Variants in NFXL1 observed in about 807,000 individuals in gnomAD.
NFXL1 encodes the protein NF-X1-type zinc finger protein NFXL1.
In NFXL1, 66 loss-of-function variants were observed where a neutral mutation model predicts 123.3. The ratio of observed to expected loss-of-function variants is 0.54; its 90% CI spans 0.44 to 0.66. The LOEUF is 0.66. NFXL1 is among the 30% of genes least tolerant of loss of function. The probability of loss-of-function intolerance (pLI) is 0.00; values close to 1 mark genes in which losing one functional copy is unlikely to be tolerated. For synonymous variants in NFXL1, 346 were observed against 360.8 expected, an observed-to-expected ratio of 0.96 and a Z score of 0.46; for missense variants, 944 against 1,125.6, an observed-to-expected ratio of 0.84 and a Z score of 2.31.
At chr4:47,888,934 A>T (rs559902522) in intron 12 of NFXL1, among the ~76,000 whole-genome samples, 1 of 152,334 alleles carries the variant, frequency 6.6e-6, no homozygotes, top group East Asian at 1.9e-4. Context: ...TATGTTAACT[A>T]CATTTAGGTT....
intron 4 of NFXL1, 133 bp from the exon 5 acceptor site, chr4:47,903,456 A>G (rs1424317820): frequency 2.3e-6 from 1 of 440,596 alleles, no homozygotes; most frequent in Non-Finnish European, 3.8e-6. Context: ...CTTTCCTTCC[A>G]GTATAACAGA....
At chr4:47,912,937 C>T (rs1430360717) in intron 2 of NFXL1, among the ~76,000 whole-genome samples, 2 of 148,998 alleles carry the variant, frequency 1.3e-5, no homozygotes, top group African/African-American at 4.9e-5. Flanking sequence ...GGCCTGAACC[C>T]AGGAGGCAGA....
At chr4:47,875,611 A>T (rs572447989) in intron 17 of NFXL1, among the ~76,000 whole-genome samples, 1 of 152,310 alleles carries the variant, frequency 6.6e-6, no homozygotes, top group South Asian at 2.1e-4. Flanking sequence ...TACTTCCTAA[A>T]GAATCGTCAA....
At chr4:47,892,760 A>G (rs1736852507) in intron 11 of NFXL1, among the ~76,000 whole-genome samples, 1 of 152,166 alleles carries the variant, frequency 6.6e-6, no homozygotes, top group Admixed American at 6.5e-5. Flanking sequence ...ATATTTAAAG[A>G]AATACAAATA....
At position 47,885,549 on chromosome 4, in the gene NFXL1, G is replaced by T. The variant is rs752689704; in HGVS notation, c.1773C>A (p.His591Gln). The T allele has an allele frequency of 6.2e-7, 1 of 1,613,722 alleles. No individual in the cohort carries two copies. The highest frequency in any genetic ancestry group is 1.7e-5 in the Admixed American group (1 of 60,004). ...PCQKVLEKCG[H>Q]LCPAPCHDQA... Reference sequence around the variant, plus strand: ...GATCATGACACGGAGCAGGACACAAGTGACCACATTTCTCCAAAACTTTTT... The same window carrying T: ...GATCATGACACGGAGCAGGACACAATTGACCACATTTCTCCAAAACTTTTT... Residue 591 changes from histidine (H) to glutamine (Q), a missense_variant, in exon 14 of 23, where the codon CAC becomes CAA. Physicochemically the swap from His to Gln is conservative, Grantham distance 24 (BLOSUM62 0). This residue lies in a region of NFXL1 where 44 missense variants were observed against 90.4 expected (regional missense o/e 0.49). Coordinates refer to ENST00000507489, the MANE Select transcript of NFXL1 (RefSeq NM_001278624.2).
intron 3 of NFXL1, among the ~76,000 whole-genome samples, chr4:47,909,148 A>C (rs1444162637): frequency 6.6e-6 from 1 of 152,110 alleles, no homozygotes; most frequent in Non-Finnish European, 1.5e-5. Context: ...ACAACTCTAC[A>C]GTATTTAGTA....
intron 22 of NFXL1, 109 bp from the exon 23 acceptor site, chr4:47,848,445 A>G (rs951668621): frequency 1.3e-6 from 1 of 766,958 alleles, no homozygotes; most frequent in East Asian, 2.7e-5. Context: ...AATGATATAT[A>G]GTCAATATAT....
chr4:47,862,379 T>C (rs1487346383), intron 19 of NFXL1, among the ~76,000 whole-genome samples: 2 of 152,324 alleles, frequency 1.3e-5, no homozygotes, highest in East Asian at 3.9e-4. Context: ...AGAGGTATCT[T>C]CTACGTCACC....
chr4:47,898,233 A>G (rs1737205612), intron 8 of NFXL1, 152 bp from the exon 9 acceptor site: 3 of 587,176 alleles, frequency 5.1e-6, no homozygotes, highest in East Asian at 5.7e-5. Context: ...GGTGTCATAC[A>G]TATGTATATA....
chr4:47,862,474 C>T (rs543643331), intron 19 of NFXL1, among the ~76,000 whole-genome samples: 11 of 152,146 alleles, frequency 7.2e-5, no homozygotes, highest in Admixed American at 2.0e-4. Context: ...CATACACACA[C>T]GCACCCCTAT....
intron 3 of NFXL1, among the ~76,000 whole-genome samples, chr4:47,907,005 C>T (rs1238045156): frequency 1.3e-5 from 2 of 152,202 alleles, no homozygotes; most frequent in Non-Finnish European, 2.9e-5. Flanking sequence ...CCTAATGTGT[C>T]TCAGTTTTGT....
chr4:47,907,599 T>C (rs900296269), intron 3 of NFXL1, among the ~76,000 whole-genome samples: 4 of 152,242 alleles, frequency 2.6e-5, no homozygotes, highest in Non-Finnish European at 5.9e-5. Context: ...ATGTATGTTC[T>C]TAAATCAAGT....
intron 18 of NFXL1, among the ~76,000 whole-genome samples, chr4:47,869,116 T>C (rs1735279356): frequency 6.6e-6 from 1 of 152,132 alleles, no homozygotes; most frequent in African/African-American, 2.4e-5. Context: ...CCCCAGCTAC[T>C]TGAGAGGCTG....
rs139659978 is a variant in NFXL1, at chr4:47,877,693, AAAG to A, written c.2079+829_2079+831del. Among the ~76,000 whole-genome samples, 1,466 of 152,224 alleles carry A rather than the reference AAAG, an allele frequency of 9.6e-3. 22 individuals are homozygous for A. The highest frequency in any genetic ancestry group is 0.033 in the African/African-American group (1,353 of 41,560). On this transcript the variant is annotated intron_variant, in intron 17 of 22. Coordinates refer to ENST00000507489, the MANE Select transcript of NFXL1 (RefSeq NM_001278624.2). ...ACATTTACACATGTTTGCACATGAA[AAAG>A]AAGAATACCTATGTTGTCATGTATT...
At chr4:47,882,832 CT>C in intron 15 of NFXL1, among the ~76,000 whole-genome samples, 1 of 152,208 alleles carries the variant, frequency 6.6e-6, no homozygotes, top group East Asian at 1.9e-4. Context: ...CTCCTTAAGA[CT>C]TTTCACACAC....
intron 15 of NFXL1, among the ~76,000 whole-genome samples, chr4:47,883,068 T>G (rs11733734): frequency 0.078 from 11,888 of 152,168 alleles, 655 homozygotes; most frequent in Non-Finnish European, 0.12. Context: ...ACAGATGCCC[T>G]TTATCAGGTT....
intron 15 of NFXL1, among the ~76,000 whole-genome samples, chr4:47,882,650 T>C (rs535414548): frequency 3.3e-5 from 5 of 152,370 alleles, no homozygotes; most frequent in Admixed American, 6.5e-5. Flanking sequence ...TATTCTTTTA[T>C]TGAATTTCTT....
At chr4:47,908,545 C>T (rs936256964) in intron 3 of NFXL1, among the ~76,000 whole-genome samples, 5 of 152,064 alleles carry the variant, frequency 3.3e-5, no homozygotes, top group African/African-American at 4.8e-5. Flanking sequence ...GCATCACTGG[C>T]CTTATACTTC....
In NFXL1 at chr4:47,894,185, T is replaced by G; in HGVS notation, c.1447A>C (p.Arg483=). 1 of 1,600,620 alleles carries G rather than the reference T, an allele frequency of 6.2e-7. No individual in the cohort carries two copies. The highest frequency in any genetic ancestry group is 8.5e-7 in the Non-Finnish European group (1 of 1,173,712). The change falls in exon 11 of 23, where the codon AGA becomes CGA. Residue 483 remains arginine (R), a synonymous_variant. Coordinates refer to ENST00000507489, the MANE Select transcript of NFXL1 (RefSeq NM_001278624.2). ...TCCAAGGTTAATACACAAACCTTTC[T>G]TCTACATTGATGCTTCTGACAGTCA... ...MRDCQKHQCR[R]KCCPGNCPPC... is the part of the protein sequence containing the mutation.
Sources: gnomAD v4.1 joint callset for allele counts (sites outside exome capture counted in the v4.1 genomes callset) on GRCh38, gnomAD v4.1.1 for gene constraint, gnomAD v4.1.1 regional missense constraint, MANE v1.5 for transcripts, NCBI Gene and HGNC (gene_info 2026-07-23, HGNC 2026-07-21) for gene names.